Variants in NKPD1 observed in about 807,000 individuals in gnomAD.
NKPD1 encodes the protein NTPase KAP family P-loop domain containing 1.
NKPD1 carries 37 observed loss-of-function variants against 42.2 expected under a neutral mutation model. That is an observed-to-expected ratio of 0.88 (90% confidence interval 0.67 to 1.15). NKPD1 has a LOEUF of 1.15. NKPD1 is among the 50% of genes most tolerant of loss of function. NKPD1 has a pLI of 0.00. For synonymous variants in NKPD1, 552 were observed against 536.5 expected (o/e 1.03, Z -0.40); for missense variants, 1,113 against 1,174.6 (o/e 0.95, Z 0.77).
At chr19:45,161,464 G>C (rs756079144), upstream of NKPD1, among the ~76,000 whole-genome samples, 5 of 152,236 alleles carry the variant, frequency 3.3e-5, no homozygotes, top group Non-Finnish European at 7.3e-5. Flanking sequence ...CATAGGACAA[G>C]GGCAACAGCA....
Position 45,153,767 on chromosome 19 carries a change from G to C in NKPD1, c.670C>G (p.Gln224Glu), listed in dbSNP as rs1352239036. 12 of 1,480,614 alleles carry C rather than the reference G, an allele frequency of 8.1e-6. No homozygotes were observed. The Middle Eastern group carries it at 1.6e-3, about 192-fold the overall frequency. 91.7% of individuals were successfully genotyped at this position (1,480,614 alleles called of 1,614,324 possible). ...CTCTCGCGCTGCGCGGCCTCCTGCT[G>C]CATCAGCGCTGCGGGAAGGGAGCCC... ...MMLDKITALM[Q>E]QEAAQRESEE... is the part of the protein sequence containing the mutation. The change falls in exon 5 of 5, where the codon CAG becomes GAG. Residue 224 changes from glutamine to glutamate, a missense_variant. Gln to Glu is a conservative substitution (Grantham distance 29). Coordinates refer to ENST00000686631, the MANE Select transcript of NKPD1 (RefSeq NM_198478.4).
Position 45,151,816 on chromosome 19 carries a change from T to TG in NKPD1, c.*121dup. The TG allele has an allele frequency of 9.1e-7, 1 of 1,093,218 alleles. No homozygotes were observed. Among genetic ancestry groups the TG allele is most frequent in the Non-Finnish European group, 1.3e-6 (1 of 797,020 alleles). The allele number at this position is 1,093,218 out of a possible 1,614,324, so 67.7% of individuals were successfully genotyped here. On this transcript the variant is annotated 3_prime_UTR_variant, in exon 5 of 5. Transcript: ENST00000686631. ...TCCACGGCTCTGGCTCAGGTTCACC[T>TG]GGGGGTGTGGGCCTCACAGGGCTCA...
rs1051152806 is a variant in NKPD1, at chr19:45,149,908, G to A, written c.*2030C>T. 1 of 152,212 alleles carries A rather than the reference G, an allele frequency of 6.6e-6. No homozygotes were observed. Among genetic ancestry groups the A allele is most frequent in the African/African-American group, 2.4e-5 (1 of 41,438 alleles). The allele number at this position is 152,212 out of a possible 1,614,324, so 9.4% of individuals were successfully genotyped here. On this transcript the variant is annotated 3_prime_UTR_variant, in exon 5 of 5. Transcript: ENST00000686631. ...CGGATCAAGTGGGCAGATGGGGGAA[G>A]GGAGTGGAGAAGGGAAACCTGCTCC... is the stretch of plus-strand genomic sequence containing the variant.
rs1046527756 is a variant in NKPD1 at position 45,160,230 on chromosome 19, C to T, written c.-71-9G>A. ...CAGGCTTGGCGTAGCCTCTGGGGCA[C>T]GAACAGCAGAGAGCTGAGGTCAGGG... On this transcript the variant is annotated splice_polypyrimidine_tract_variant and intron_variant, in intron 1 of 4. Coordinates refer to ENST00000686631, the MANE Select transcript of NKPD1 (RefSeq NM_198478.4). 8 of 856,816 alleles carry T rather than the reference C, an allele frequency of 9.3e-6. No homozygotes were observed. Among genetic ancestry groups the T allele is most frequent in the Admixed American group, 5.1e-5 (2 of 39,224 alleles). 53.1% of individuals were successfully genotyped at this position (856,816 alleles called of 1,614,324 possible).
Position 45,159,054 on chromosome 19 carries a change from A to G in NKPD1, c.138T>C (p.His46=), listed in dbSNP as rs1408718305. 1.5e-6 allele frequency: 2 copies of G among 1,299,500 alleles called. No individual in the cohort carries two copies. Among genetic ancestry groups the G allele is most frequent in the Admixed American group, 2.3e-5 (1 of 42,580 alleles). The allele number at this position is 1,299,500 out of a possible 1,614,324, so 80.5% of individuals were successfully genotyped here. A position where few individuals can be genotyped will look rare whatever the true frequency, so the allele number is the denominator to read the frequency against. The part of the protein sequence containing the change: ...WRQDSAALRA[H]GPCRPSPQSH... The stretch of plus-strand genomic sequence containing the variant: ...ATTGGGGGGAAGGCCGACAGGGCCC[A>G]TGGGCTCGGAGGGCCGCTGAGTCCT... Residue 46 remains histidine, a synonymous_variant, in exon 3 of 5, where the codon CAT becomes CAC. Transcript: ENST00000686631.
chr19:45,155,759 C>T, intron 4 of NKPD1, 26 bp downstream of exon 4: 1 of 1,287,218 alleles, frequency 7.8e-7, no homozygotes, highest in South Asian at 1.2e-5. Context: ...TCATCCTCCC[C>T]CCAACAAACA....
Position 45,152,023 on chromosome 19 carries a change from G to A in NKPD1, c.2414C>T (p.Thr805Ile), listed in dbSNP as rs1968787282. The change falls in exon 5 of 5, where the codon ACT becomes ATT. Residue 805 changes from threonine (T) to isoleucine (I), a missense_variant. Physicochemically the swap from Thr to Ile is moderately conservative, Grantham distance 89. This residue lies in a region of NKPD1 where 867 missense variants were observed against 870.1 expected (regional missense o/e 1.00). Coordinates refer to ENST00000686631, the MANE Select transcript of NKPD1 (RefSeq NM_198478.4). ...ASGQAGEGHHTGDLAHRGKLW... is the reference protein window; with the variant it reads ...ASGQAGEGHHIGDLAHRGKLW... ...CTTGCCCCTGTGGGCCAAGTCCCCA[G>A]TGTGGTGGCCTTCGCCGGCTTGCCC... The A allele has an allele frequency of 6.2e-7, 1 of 1,610,768 alleles. No individual in the cohort carries two copies. Among genetic ancestry groups the A allele is most frequent in the Non-Finnish European group, 8.5e-7 (1 of 1,178,958 alleles).
chr19:45,161,861 G>A (rs1328209651), upstream of NKPD1, among the ~76,000 whole-genome samples: 7 of 152,288 alleles, frequency 4.6e-5, no homozygotes, highest in South Asian at 4.1e-4. Flanking sequence ...CGATGGGGAT[G>A]GGGGAGGCAG....
chr19:45,151,749 C>G lies in NKPD1; in HGVS notation c.*189G>C. The G allele has an allele frequency of 1.8e-6, 1 of 552,608 alleles. No individual in the cohort carries two copies. Among genetic ancestry groups the G allele is most frequent in the South Asian group, 3.2e-5 (1 of 31,338 alleles). 34.2% of individuals were successfully genotyped at this position (552,608 alleles called of 1,614,324 possible). On this transcript the variant is annotated 3_prime_UTR_variant, in exon 5 of 5. Coordinates refer to ENST00000686631, the MANE Select transcript of NKPD1 (RefSeq NM_198478.4). ...TCACTGGTCCTTCTGTGCCTGCTCT[C>G]ATGCTGGCACCGGCTTGTGGCCGCA... is the stretch of plus-strand genomic sequence containing the variant.
Position 45,153,032 on chromosome 19 carries a change from C to T in NKPD1, c.1405G>A (p.Val469Met), listed in dbSNP as rs779754290. ...TTGATGGCGTTGAGCACGCCCACCA[C>T]GCGCTCCGGGTAGCACGTGTCCAGC... The part of the protein sequence containing the change: ...TGLDTCYPER[V>M]VGVLNAINTL... Residue 469 changes from valine to methionine, a missense_variant, in exon 5 of 5, where the codon GTG becomes ATG. Val to Met is a conservative substitution (Grantham distance 21). Transcript: ENST00000686631. 1.1e-5 allele frequency: 18 copies of T among 1,582,814 alleles called. No homozygotes were observed. Among genetic ancestry groups the T allele is most frequent in the Non-Finnish European group, 1.5e-5 (18 of 1,163,776 alleles).
rs1282231994 is a variant in NKPD1, at chr19:45,153,274, G to A, written c.1163C>T (p.Ser388Leu). 3 of 1,599,694 alleles carry A rather than the reference G, an allele frequency of 1.9e-6. No individual in the cohort carries two copies. The highest frequency in any genetic ancestry group is 1.3e-5 in the African/African-American group (1 of 74,772). ...KVFGGAATTL[S>L]GSGLLMAVYS... ...CACGGCCATGAGCAGCCCCGAGCCC[G>A]ACAGTGTGGTGGCCGCGCCGCCAAA... is the stretch of plus-strand genomic sequence containing the variant. Residue 388 changes from serine (S) to leucine (L), a missense_variant, in exon 5 of 5, where the codon TCG (serine) becomes TTG (leucine). Physicochemically the swap from Ser to Leu is moderately radical, Grantham distance 145. Around this residue, in one of 3 missense-constraint regions of NKPD1, gnomAD observed 867 missense variants for 870.1 expected, o/e 1.00. Coordinates refer to ENST00000686631, the MANE Select transcript of NKPD1 (RefSeq NM_198478.4).
At chr19:45,161,263 GC>G (rs780615915), upstream of NKPD1, among the ~76,000 whole-genome samples, 3 of 152,170 alleles carry the variant, frequency 2.0e-5, no homozygotes, top group Non-Finnish European at 4.4e-5. Flanking sequence ...CTCCTCCGTG[GC>G]CCAGGTATGT....
Position 45,158,200 on chromosome 19 carries a change from A to C in NKPD1, c.529+463T>G, listed in dbSNP as rs975776996. Among the ~76,000 whole-genome samples the C allele has an allele frequency of 6.6e-6, 1 of 152,170 alleles. No individual in the cohort carries two copies. The highest frequency in any genetic ancestry group is 2.4e-5 in the African/African-American group (1 of 41,426). On this transcript the variant is annotated intron_variant, in intron 3 of 4. Coordinates refer to ENST00000686631, the MANE Select transcript of NKPD1 (RefSeq NM_198478.4). This position sits in a 1 kb window ranked among gnomAD's most constrained non-coding sequence, Gnocchi z 4.6. ...GTCATGGAGTGAATGAGGGAGGGAG[A>C]GAGCAAGCAAGTGGGTCTTCCCATT...
intron 4 of NKPD1, 29 bp from the exon 5 acceptor site, chr19:45,153,804 G>A: frequency 1.4e-6 from 2 of 1,422,796 alleles, no homozygotes; most frequent in East Asian, 2.7e-5. Context: ...GGAGCCGCGT[G>A]AGCCGCAGAC....
In NKPD1 at chr19:45,150,474, AG is replaced by A. The variant is rs1425404281; in HGVS notation, c.*1463del. The A allele has an allele frequency of 6.6e-6, 1 of 152,210 alleles. No individual in the cohort carries two copies. Among genetic ancestry groups the A allele is most frequent in the Non-Finnish European group, 1.5e-5 (1 of 68,040 alleles). 9.4% of individuals were successfully genotyped at this position (152,210 alleles called of 1,614,324 possible). ...AACAAACCCAACTGAAACTGGCTTA[AG>A]GGAGGCTACAGGGATATATTGACCC... On this transcript the variant is annotated 3_prime_UTR_variant, in exon 5 of 5. Coordinates refer to ENST00000686631, the MANE Select transcript of NKPD1 (RefSeq NM_198478.4).
Position 45,158,434 on chromosome 19 carries a change from G to A in NKPD1, c.529+229C>T, listed in dbSNP as rs914500130. Among the ~76,000 whole-genome samples the A allele has an allele frequency of 6.6e-6, 1 of 152,244 alleles. No homozygotes were observed. The highest frequency in any genetic ancestry group is 6.5e-5 in the Admixed American group (1 of 15,290). ...GAGAGGGAGGCCTTCACTGCCTGGC[G>A]CAGGATGGAGGCACGGGGCAGGCCT... is the stretch of plus-strand genomic sequence containing the variant. On this transcript the variant is annotated intron_variant, in intron 3 of 4. Transcript: ENST00000686631. The surrounding 1 kb of genome is among the most constrained non-coding windows in gnomAD (Gnocchi z 4.6).
At chr19:45,156,663 A>G (rs112016624) in intron 3 of NKPD1, among the ~76,000 whole-genome samples, 13,416 of 152,268 alleles carry the variant, frequency 0.088, 844 homozygotes, top group Non-Finnish European at 0.13. Context: ...CACTGGCACT[A>G]CGGCATCCAC....
intron 2 of NKPD1, among the ~76,000 whole-genome samples, 195 bp downstream of exon 2, chr19:45,159,865 C>A (rs572094937): frequency 4.1e-4 from 63 of 152,362 alleles, no homozygotes; most frequent in African/African-American, 1.5e-3. Context: ...CCAGCCCAGG[C>A]TCCTATCTTT....
Position 45,153,303 on chromosome 19 carries a change from C to T in NKPD1, c.1134G>A (p.Lys378=). The change falls in exon 5 of 5, where the codon AAG becomes AAA. Residue 378 remains lysine, a synonymous_variant. Transcript: ENST00000686631. ...GHGSPSGSLL[K]VFGGAATTLS... Reference sequence around the variant, plus strand: ...GTGTGGTGGCCGCGCCGCCAAACACCTTGAGCAGGCTGCCGCTCGGGCTGC... The same window carrying T: ...GTGTGGTGGCCGCGCCGCCAAACACTTTGAGCAGGCTGCCGCTCGGGCTGC... The T allele has an allele frequency of 6.3e-7, 1 of 1,582,256 alleles. No homozygotes were observed. The highest frequency in any genetic ancestry group is 8.6e-7 in the Non-Finnish European group (1 of 1,165,266).
Sources: gnomAD v4.1 joint callset for allele counts (sites outside exome capture counted in the v4.1 genomes callset) on GRCh38, gnomAD v4.1.1 for gene constraint, gnomAD v4.1.1 regional missense constraint, Gnocchi (gnomAD v3.1) non-coding constraint, MANE v1.5 for transcripts, NCBI Gene and HGNC (gene_info 2026-07-23, HGNC 2026-07-21) for gene names.